Variants in GRB14 observed in about 807,000 individuals in gnomAD.
The protein encoded by GRB14 is growth factor receptor-bound protein 14.
GRB14 carries 38 observed loss-of-function variants against 69.1 expected under a neutral mutation model. The observed-to-expected ratio is 0.55, with a 90% CI of 0.42 to 0.72. The LOEUF (loss-of-function observed/expected upper bound fraction) is 0.72, where lower values mean the gene tolerates loss of function less well. Ranked by LOEUF, GRB14 falls within the 30% of genes least tolerant of loss-of-function variation. The pLI is 0.00. For missense variants in GRB14, 666 were observed against 666.1 expected (o/e 1.00, Z 0.00); for synonymous variants, 247 against 241.3 (o/e 1.02, Z -0.22).
intron 2 of GRB14, among the ~76,000 whole-genome samples, chr2:164,561,749 T>C (rs1259946031): frequency 1.2e-4 from 18 of 152,160 alleles, no homozygotes; most frequent in Non-Finnish European, 1.5e-5. Flanking sequence ...CAAAAATGGG[T>C]TTGGCCACCA....
intron 2 of GRB14, among the ~76,000 whole-genome samples, chr2:164,588,437 CCA>C (rs1264939343): frequency 6.6e-6 from 1 of 152,064 alleles, no homozygotes; most frequent in Non-Finnish European, 1.5e-5. Flanking sequence ...GCTGTTTCTG[CCA>C]GTGGTCACAG....
At position 164,515,125 on chromosome 2, in the gene GRB14, C is replaced by T. The variant is rs187152301; in HGVS notation, c.817-6273G>A. 6.6e-5 allele frequency among the ~76,000 whole-genome samples: 10 copies of T among 152,284 alleles called. No homozygotes were observed. In the East Asian group the frequency reaches 1.9e-3, roughly 29 times the overall value. On this transcript the variant is annotated intron_variant, in intron 6 of 13. Transcript: ENST00000263915. ...CCACCTGATGGTCTTTCTCTACCTG[C>T]CCTGGTAGCCAAAGACAAAGGACAT...
intron 2 of GRB14, among the ~76,000 whole-genome samples, chr2:164,550,225 A>T (rs1290662941): frequency 6.6e-6 from 1 of 152,166 alleles, no homozygotes. Flanking sequence ...ATTGTCCTCC[A>T]TTGCTTTTTG....
rs970687803 is a variant in GRB14 at position 164,492,571 on chromosome 2, T to G, written c.*465A>C. On this transcript the variant is annotated 3_prime_UTR_variant, in exon 14 of 14. Transcript: ENST00000263915. ...ATATAATTCAAAATAGTTTTTAGTT[T>G]CATTAACAGGTTGTGGATAGTTTCT... Among the ~76,000 whole-genome samples, 1 of 151,604 alleles carries G rather than the reference T, an allele frequency of 6.6e-6. No homozygotes were observed. The highest frequency in any genetic ancestry group is 2.4e-5 in the African/African-American group (1 of 41,408).
At chr2:164,506,385 T>C (rs1177591605) in intron 8 of GRB14, among the ~76,000 whole-genome samples, 1 of 152,214 alleles carries the variant, frequency 6.6e-6, no homozygotes, top group African/African-American at 2.4e-5. Flanking sequence ...GTTAAAACTT[T>C]CTTCCAATAC....
Position 164,560,269 on chromosome 2 carries a change from T to C in GRB14, c.325-12453A>G, listed in dbSNP as rs1688788144. 3.3e-5 allele frequency among the ~76,000 whole-genome samples: 5 copies of C among 152,348 alleles called. No individual in the cohort carries two copies. The South Asian group carries it at 1.0e-3, about 32-fold the overall frequency. ...ACATAATTAGATGTATACATACATA[T>C]ATCCCAAAGCACCTAGCTTTTTGAG... On this transcript the variant is annotated intron_variant, in intron 2 of 13. Transcript: ENST00000263915.
At chr2:164,506,128 C>A (rs1476774747) in intron 8 of GRB14, among the ~76,000 whole-genome samples, 1 of 152,128 alleles carries the variant, frequency 6.6e-6, no homozygotes, top group African/African-American at 2.4e-5. Flanking sequence ...GTAGAGCCTT[C>A]CAAAGAGTAC....
At chr2:164,592,635 C>G (rs894873644) in intron 2 of GRB14, among the ~76,000 whole-genome samples, 1 of 152,148 alleles carries the variant, frequency 6.6e-6, no homozygotes, top group East Asian at 1.9e-4. Context: ...GTCTGACATT[C>G]ATGTGCATGG....
At chr2:164,511,319 G>C (rs1687332161) in intron 6 of GRB14, among the ~76,000 whole-genome samples, 1 of 152,146 alleles carries the variant, frequency 6.6e-6, no homozygotes, top group South Asian at 2.1e-4. Flanking sequence ...CACAAGCCCA[G>C]GCAGCACAGC....
intron 12 of GRB14, among the ~76,000 whole-genome samples, chr2:164,496,621 CAT>C (rs71393623): frequency 0.11 from 17,203 of 152,068 alleles, 1,326 homozygotes; most frequent in East Asian, 0.33. Context: ...ATACATTTGA[CAT>C]AATGTCATAA....
intron 3 of GRB14, among the ~76,000 whole-genome samples, chr2:164,546,637 C>T (rs1344362649): frequency 6.6e-6 from 1 of 152,184 alleles, no homozygotes; most frequent in Non-Finnish European, 1.5e-5. Flanking sequence ...GTGTTTACAC[C>T]AGAAAAAGTG....
intron 2 of GRB14, among the ~76,000 whole-genome samples, chr2:164,580,373 G>A (rs1419439566): frequency 5.9e-5 from 9 of 151,562 alleles, no homozygotes; most frequent in Non-Finnish European, 8.8e-5. Context: ...GACTACAGGC[G>A]TGAGCCACCA....
At chr2:164,583,481 AC>A (rs1213967904) in intron 2 of GRB14, among the ~76,000 whole-genome samples, 1 of 152,218 alleles carries the variant, frequency 6.6e-6, no homozygotes, top group African/African-American at 2.4e-5. Context: ...GAATTAAAAA[AC>A]ATGACAATAT....
chr2:164,609,107 C>T (rs1430243787), intron 2 of GRB14, among the ~76,000 whole-genome samples: 2 of 152,174 alleles, frequency 1.3e-5, no homozygotes, highest in African/African-American at 4.8e-5. Flanking sequence ...AGATCAGTTA[C>T]TAACTATGGC....
intron 2 of GRB14, among the ~76,000 whole-genome samples, chr2:164,608,821 C>G (rs569714575): frequency 8.6e-5 from 13 of 151,976 alleles, no homozygotes; most frequent in African/African-American, 2.9e-4. Context: ...GGAATGCAAA[C>G]GGTACATGCA....
rs199699779 is a variant in GRB14 at position 164,547,750 on chromosome 2, G to A, written c.391C>T (p.Arg131Ter). Residue 131 changes from arginine (R) to a stop codon, truncating the protein, a stop_gained, in exon 3 of 14, where the codon CGA (arginine) becomes TGA (stop). Coordinates refer to ENST00000263915, the MANE Select transcript of GRB14 (RefSeq NM_004490.3). LOFTEE classifies it high-confidence loss of function. ...ALDVPSDITA[R>*]DVCQLLILKN... is the part of the protein sequence containing the mutation. ...AGGATCAACAGCTGACAAACATCTCGAGCCGTTATGTCACTGGGTACATCT... is the reference window on the plus strand; with the variant it reads ...AGGATCAACAGCTGACAAACATCTCAAGCCGTTATGTCACTGGGTACATCT... The A allele has an allele frequency of 4.0e-5, 64 of 1,613,396 alleles. 1 individual carries two copies. The highest frequency in any genetic ancestry group is 2.5e-5 in the Non-Finnish European group (29 of 1,179,560).
At chr2:164,616,191 A>G (rs918745987) in intron 2 of GRB14, among the ~76,000 whole-genome samples, 3 of 152,072 alleles carry the variant, frequency 2.0e-5, no homozygotes, top group Non-Finnish European at 4.4e-5. Context: ...TTGGGAGGCC[A>G]AGGCGGGTGG....
intron 3 of GRB14, among the ~76,000 whole-genome samples, chr2:164,545,651 G>A (rs957818614): frequency 3.3e-5 from 5 of 152,152 alleles, no homozygotes; most frequent in Non-Finnish European, 7.3e-5. Context: ...GCTTTAAGAC[G>A]AGTTTGTGGT....
At chr2:164,602,608 C>A (rs1317997712) in intron 2 of GRB14, among the ~76,000 whole-genome samples, 2 of 152,198 alleles carry the variant, frequency 1.3e-5, no homozygotes, top group East Asian at 3.9e-4. Flanking sequence ...GATCATCTAA[C>A]AAAGATTTTA....
Sources: allele counts gnomAD v4.1 joint callset (sites outside exome capture counted in the v4.1 genomes callset), GRCh38; gene constraint gnomAD v4.1.1; transcripts MANE v1.5; gene names NCBI Gene and HGNC (gene_info 2026-07-23, HGNC 2026-07-21).